Variants in SUCLG2 observed in about 807,000 individuals in gnomAD.
The protein encoded by SUCLG2 is succinate-CoA ligase GDP-forming subunit beta, also known as succinate--CoA ligase [GDP-forming] subunit beta, mitochondrial.
In SUCLG2, 42 loss-of-function variants were observed where a neutral mutation model predicts 47.9. That is an observed-to-expected ratio of 0.88 (90% CI 0.69 to 1.14). The LOEUF (loss-of-function observed/expected upper bound fraction) is 1.14, where lower values mean the gene tolerates loss of function less well. Among genes scored for constraint, SUCLG2 ranks in the 50% most tolerant of loss-of-function variants. The pLI is 0.00. For missense variants in SUCLG2, 571 were observed against 525.9 expected (o/e 1.09, Z -0.84); for synonymous variants, 195 against 197.3 (o/e 0.99, Z 0.10).
At chr3:67,612,090 G>A (rs1383557123) in intron 1 of SUCLG2, among the ~76,000 whole-genome samples, 1 of 152,188 alleles carries the variant, frequency 6.6e-6, no homozygotes, top group Non-Finnish European at 1.5e-5. Flanking sequence ...CAGGCGCAGT[G>A]GTTCACACCT....
intron 1 of SUCLG2, among the ~76,000 whole-genome samples, chr3:67,637,124 G>A (rs558713372): frequency 3.9e-5 from 6 of 152,170 alleles, no homozygotes; most frequent in African/African-American, 1.4e-4. Context: ...AGAAGAATAA[G>A]GACAGATTTG....
chr3:67,466,655 AT>A lies in SUCLG2; in HGVS notation c.1062+29142del, dbSNP rs375438035. On this transcript the variant is annotated intron_variant, in intron 9 of 10. Coordinates refer to ENST00000307227, the MANE Select transcript of SUCLG2 (RefSeq NM_003848.4). Reference sequence around the variant, plus strand: ...ATGACACTGAAGTTTGTCGCTATCGATTTTTATATGGCAAAACCTGGGTCTT... The same window carrying A: ...ATGACACTGAAGTTTGTCGCTATCGATTTTATATGGCAAAACCTGGGTCTT... Among the ~76,000 whole-genome samples the A allele has an allele frequency of 3.9e-4, 59 of 152,310 alleles. No individual in the cohort carries two copies. In the East Asian group the frequency reaches 9.3e-3, roughly 24 times the overall value.
intron 9 of SUCLG2, among the ~76,000 whole-genome samples, chr3:67,475,712 T>TC (rs200631866): frequency 2.0e-5 from 3 of 148,434 alleles, no homozygotes; most frequent in Non-Finnish European, 3.0e-5. Context: ...TGATTTTCCT[T>TC]CCCCTCCTTT....
chr3:67,419,255 A>G lies in SUCLG2; in HGVS notation c.1063-18404T>C, dbSNP rs114043748. Among the ~76,000 whole-genome samples, 262 of 152,348 alleles carry G rather than the reference A, an allele frequency of 1.7e-3. 1 individual carries two copies. Among genetic ancestry groups the G allele is most frequent in the African/African-American group, 5.8e-3 (240 of 41,588 alleles). On this transcript the variant is annotated intron_variant, in intron 9 of 10. Coordinates refer to ENST00000307227, the MANE Select transcript of SUCLG2 (RefSeq NM_003848.4). ...ATCATGTCTGTAATTTTCTGAAGAG[A>G]TACGCTTATCACACCCCACTTAGAA...
At chr3:67,537,830 AG>A (rs1706587841) in intron 2 of SUCLG2, among the ~76,000 whole-genome samples, 1 of 152,222 alleles carries the variant, frequency 6.6e-6, no homozygotes, top group African/African-American at 2.4e-5. Context: ...AGTGATGATA[AG>A]CTTTTTTTCA....
chr3:67,538,223 C>A (rs1340590869), intron 2 of SUCLG2, among the ~76,000 whole-genome samples: 1 of 152,074 alleles, frequency 6.6e-6, no homozygotes. Flanking sequence ...TAAGTCTTTA[C>A]TCCATCTTGA....
intron 2 of SUCLG2, among the ~76,000 whole-genome samples, chr3:67,601,235 A>T (rs529751816): frequency 4.6e-5 from 7 of 152,346 alleles, no homozygotes; most frequent in African/African-American, 1.7e-4. Flanking sequence ...AATATTGCTG[A>T]ATGCATGTGT....
At chr3:67,509,113 C>T (rs1705718479) in intron 6 of SUCLG2, among the ~76,000 whole-genome samples, 1 of 152,076 alleles carries the variant, frequency 6.6e-6, no homozygotes, top group Non-Finnish European at 1.5e-5. Flanking sequence ...CAGAAGAGAC[C>T]ATTATCAAGA....
chr3:67,374,158 C>T (rs914167130), downstream of SUCLG2, among the ~76,000 whole-genome samples: 3 of 152,010 alleles, frequency 2.0e-5, no homozygotes, highest in Non-Finnish European at 4.4e-5. Context: ...TATCAAAAAC[C>T]AAAACACAAC....
chr3:67,486,155 C>T (rs1373014409), intron 9 of SUCLG2, among the ~76,000 whole-genome samples: 2 of 152,086 alleles, frequency 1.3e-5, no homozygotes, highest in Non-Finnish European at 2.9e-5. Flanking sequence ...GTCCTAGCAA[C>T]TCAGGAGGCT....
At chr3:67,636,041 G>A (rs1349254138) in intron 1 of SUCLG2, among the ~76,000 whole-genome samples, 2 of 152,162 alleles carry the variant, frequency 1.3e-5, no homozygotes, top group East Asian at 1.9e-4. Context: ...AAGCTCAAGC[G>A]GAGATGTTCT....
At chr3:67,506,440 T>C (rs569095682) in intron 7 of SUCLG2, among the ~76,000 whole-genome samples, 1 of 152,296 alleles carries the variant, frequency 6.6e-6, no homozygotes, top group South Asian at 2.1e-4. Flanking sequence ...AAGACTTATG[T>C]TTTAATGAAC....
chr3:67,421,704 G>T (rs150456192), intron 9 of SUCLG2, among the ~76,000 whole-genome samples: 1 of 152,202 alleles, frequency 6.6e-6, no homozygotes, highest in African/African-American at 2.4e-5. Flanking sequence ...GGGAGAAAGG[G>T]GCTTAGCAAC....
chr3:67,595,723 G>A (rs1708279090), intron 2 of SUCLG2, among the ~76,000 whole-genome samples: 1 of 152,136 alleles, frequency 6.6e-6, no homozygotes, highest in Admixed American at 6.5e-5. Context: ...CTCAGGAAGG[G>A]CACATGAGGA....
intron 9 of SUCLG2, among the ~76,000 whole-genome samples, chr3:67,468,796 T>A (rs570881802): frequency 6.2e-4 from 95 of 152,172 alleles, no homozygotes; most frequent in Non-Finnish European, 1.1e-3. Flanking sequence ...AACTGCTGTT[T>A]TTAAGCCACT....
At position 67,511,666 on chromosome 3, in the gene SUCLG2, G is replaced by A. The variant is rs568483314; in HGVS notation, c.661-2763C>T. On this transcript the variant is annotated intron_variant, in intron 6 of 10. Transcript: ENST00000307227. ...TCACGGGTATGTCTTTATTATCAGC[G>A]TGAGAACAGACGAGTACACTCACAT... 1.4e-4 allele frequency among the ~76,000 whole-genome samples: 22 copies of A among 152,244 alleles called. No individual in the cohort carries two copies. In the South Asian group the frequency reaches 2.3e-3, roughly 16 times the overall value.
chr3:67,591,457 C>G (rs1282580679), intron 2 of SUCLG2, among the ~76,000 whole-genome samples: 5 of 152,158 alleles, frequency 3.3e-5, no homozygotes. Context: ...AGAATTTTCA[C>G]GTGTTGTGGG....
chr3:67,549,353 T>C (rs1706950576), intron 2 of SUCLG2, among the ~76,000 whole-genome samples: 2 of 152,188 alleles, frequency 1.3e-5, no homozygotes, highest in South Asian at 4.1e-4. Flanking sequence ...ATCATGGGAC[T>C]CCAGACTTTT....
intron 1 of SUCLG2, among the ~76,000 whole-genome samples, chr3:67,614,870 G>C (rs1700596114): frequency 6.6e-6 from 1 of 152,114 alleles, no homozygotes; most frequent in Non-Finnish European, 1.5e-5. Context: ...CTAATTCCCA[G>C]CTTTTTTCCT....
Sources: allele counts gnomAD v4.1 joint callset (sites outside exome capture counted in the v4.1 genomes callset), GRCh38; gene constraint gnomAD v4.1.1; transcripts MANE v1.5; gene names NCBI Gene and HGNC (gene_info 2026-07-23, HGNC 2026-07-21).